XPR1: variants seen among roughly 807,000 people sequenced by gnomAD.
XPR1 encodes the protein solute carrier family 53 member 1.
XPR1 carries 28 observed loss-of-function variants against 87.5 expected under a neutral mutation model. That is an observed-to-expected ratio of 0.32 (90% CI 0.24 to 0.44). The LOEUF (loss-of-function observed/expected upper bound fraction) is 0.44, where lower values mean the gene tolerates loss of function less well. Ranked by LOEUF, XPR1 falls within the 20% of genes least tolerant of loss-of-function variation. XPR1 has a pLI of 1.00. For synonymous variants in XPR1, 300 were observed against 306.1 expected, an observed-to-expected ratio of 0.98 and a Z score of 0.21; for missense variants, 559 against 862.3, an observed-to-expected ratio of 0.65 and a Z score of 4.41.
chr1:180,806,420 G>T, intron 5 of XPR1, 54 bp from the exon 6 acceptor site: 1 of 1,569,154 alleles, frequency 6.4e-7, no homozygotes. Flanking sequence ...AATTATTTGT[G>T]CATCACTCAA....
chr1:180,746,599 T>A (rs1647265802), intron 2 of XPR1, among the ~76,000 whole-genome samples: 1 of 152,152 alleles, frequency 6.6e-6, no homozygotes, highest in African/African-American at 2.4e-5. Flanking sequence ...TTTTTTGATA[T>A]AATGACTTCC....
intron 7 of XPR1, 145 bp from the exon 8 acceptor site, chr1:180,824,608 A>T: frequency 1.5e-6 from 1 of 681,404 alleles, no homozygotes; most frequent in Non-Finnish European, 2.4e-6. Context: ...AGATAGATAG[A>T]TAGATGATAG....
At chr1:180,706,786 T>A (rs1657573358) in intron 2 of XPR1, among the ~76,000 whole-genome samples, 1 of 151,830 alleles carries the variant, frequency 6.6e-6, no homozygotes, top group African/African-American at 2.4e-5. Flanking sequence ...TATTTTTTTT[T>A]ATTTTTTATT....
chr1:180,810,227 G>C (rs574157582), intron 6 of XPR1, among the ~76,000 whole-genome samples: 74 of 152,194 alleles, frequency 4.9e-4, no homozygotes, highest in Admixed American at 1.4e-3. Flanking sequence ...ATACACGGGA[G>C]ATTTGGATAT....
Position 180,880,217 on chromosome 1 carries a change from T to C in XPR1, c.1950T>C (p.Asp650=), listed in dbSNP as rs1571255460. ...TAGAACAGATGATGGACCAGGATGA[T>C]GGGGTACGAAACCGCCAGAAGAATC... ...TLLEQMMDQD[D]GVRNRQKNRS... is the part of the protein sequence containing the mutation. Residue 650 remains aspartate (D), a synonymous_variant, in exon 14 of 15, where the codon GAT becomes GAC. Transcript: ENST00000367590. 1 of 1,614,156 alleles carries C rather than the reference T, an allele frequency of 6.2e-7. No homozygotes were observed. Among genetic ancestry groups the C allele is most frequent in the Non-Finnish European group, 8.5e-7 (1 of 1,180,040 alleles).
intron 2 of XPR1, among the ~76,000 whole-genome samples, chr1:180,689,959 C>T (rs760279513): frequency 1.3e-5 from 2 of 152,010 alleles, no homozygotes; most frequent in Non-Finnish European, 2.9e-5. Context: ...AGTTTGAGAC[C>T]AGCCTGGACA....
intron 1 of XPR1, among the ~76,000 whole-genome samples, chr1:180,645,011 C>T (rs1655066930): frequency 6.6e-6 from 1 of 152,020 alleles, no homozygotes; most frequent in Admixed American, 6.6e-5. Flanking sequence ...ACCTGCTTCA[C>T]AAAGATAGGA....
At chr1:180,733,117 C>T (rs927336483) in intron 2 of XPR1, among the ~76,000 whole-genome samples, 7 of 152,166 alleles carry the variant, frequency 4.6e-5, no homozygotes, top group South Asian at 2.1e-4. Context: ...CTGTGTCCAG[C>T]GGGCTGTGTG....
At chr1:180,835,300 T>A (rs948022566) in intron 10 of XPR1, among the ~76,000 whole-genome samples, 2 of 152,228 alleles carry the variant, frequency 1.3e-5, no homozygotes, top group African/African-American at 4.8e-5. Context: ...AAAACTTTCT[T>A]CTAGCACATT....
chr1:180,644,842 A>T (rs758832131), intron 1 of XPR1, among the ~76,000 whole-genome samples: 7 of 151,998 alleles, frequency 4.6e-5, no homozygotes, highest in Non-Finnish European at 7.4e-5. Context: ...TGAAATAATT[A>T]TAGAACTCAA....
chr1:180,652,687 A>T (rs1218459468), intron 1 of XPR1, among the ~76,000 whole-genome samples: 1 of 152,254 alleles, frequency 6.6e-6, no homozygotes, highest in African/African-American at 2.4e-5. Context: ...GATCAAGACA[A>T]ACCAAAGATG....
In XPR1 at chr1:180,885,078, A is replaced by G. The variant is rs991924239; in HGVS notation, c.*1012A>G. ...TGAAGCTATGCCTTATTATGCATCC[A>G]CATGTATGGTCCCTGTAGCGTGACC... On this transcript the variant is annotated 3_prime_UTR_variant, in exon 15 of 15. Coordinates refer to ENST00000367590, the MANE Select transcript of XPR1 (RefSeq NM_004736.4). The G allele has an allele frequency of 9.2e-5, 14 of 152,580 alleles. No homozygotes were observed. The highest frequency in any genetic ancestry group is 3.4e-4 in the African/African-American group (14 of 41,436). 9.5% of individuals were successfully genotyped at this position (152,580 alleles called of 1,614,324 possible).
chr1:180,741,441 C>T (rs1658922270), intron 2 of XPR1, among the ~76,000 whole-genome samples: 1 of 152,040 alleles, frequency 6.6e-6, no homozygotes, highest in Non-Finnish European at 1.5e-5. Flanking sequence ...GCTAGGATTA[C>T]AGGCATGAGC....
At chr1:180,812,349 T>C (rs1392552751) in intron 7 of XPR1, among the ~76,000 whole-genome samples, 3 of 152,216 alleles carry the variant, frequency 2.0e-5, no homozygotes, top group African/African-American at 7.2e-5. Flanking sequence ...TATATGCTAA[T>C]GACTCCCAAA....
chr1:180,875,250 C>T (rs1469786853), intron 13 of XPR1, among the ~76,000 whole-genome samples: 1 of 152,156 alleles, frequency 6.6e-6, no homozygotes, highest in Non-Finnish European at 1.5e-5. Context: ...TGGTTTATGC[C>T]TGTAATCCCA....
intron 11 of XPR1, among the ~76,000 whole-genome samples, chr1:180,839,526 C>T (rs866359321): frequency 1.3e-5 from 2 of 151,902 alleles, no homozygotes; most frequent in Middle Eastern, 6.9e-3. Context: ...CTTCAGATTA[C>T]ACTCATCTGA....
At chr1:180,658,727 G>C (rs1243648279) in intron 1 of XPR1, among the ~76,000 whole-genome samples, 3 of 146,180 alleles carry the variant, frequency 2.1e-5, no homozygotes, top group Non-Finnish European at 4.5e-5. Context: ...ACCATGCCCA[G>C]CTTTTTTTTT....
chr1:180,688,807 TA>T (rs1656876450), intron 2 of XPR1, among the ~76,000 whole-genome samples: 1 of 152,208 alleles, frequency 6.6e-6, no homozygotes, highest in Non-Finnish European at 1.5e-5. Context: ...GCTGTCTCAG[TA>T]ATTTTATGGA....
At chr1:180,716,021 A>G (rs1219049375) in intron 2 of XPR1, among the ~76,000 whole-genome samples, 2 of 152,152 alleles carry the variant, frequency 1.3e-5, no homozygotes, top group Non-Finnish European at 2.9e-5. Context: ...GTGGCTCTCA[A>G]TTCTTGGAGG....
Sources: allele counts gnomAD v4.1 joint callset (sites outside exome capture counted in the v4.1 genomes callset), GRCh38; gene constraint gnomAD v4.1.1; transcripts MANE v1.5; gene names NCBI Gene and HGNC (gene_info 2026-07-23, HGNC 2026-07-21).